Variants in DCC observed in about 807,000 individuals in gnomAD.
DCC encodes netrin receptor DCC.
A neutral mutation model predicts 172.5 loss-of-function variants in DCC; 58 were observed. That is an observed-to-expected ratio of 0.34 (90% CI 0.27 to 0.42). DCC has a LOEUF of 0.42. Among genes scored for constraint, DCC ranks in the 10% least tolerant of loss-of-function variants. DCC has a pLI of 1.00. For missense variants in DCC, 1,740 were observed against 1,791.0 expected, an observed-to-expected ratio of 0.97 and a Z score of 0.51; for synonymous variants, 709 against 644.5, an observed-to-expected ratio of 1.10 and a Z score of -1.52.
chr18:53,512,591 A>C (rs1350850618), intron 27 of DCC, among the ~76,000 whole-genome samples: 1 of 151,106 alleles, frequency 6.6e-6, no homozygotes, highest in East Asian at 2.0e-4. Context: ...TATAACTAGA[A>C]TAACCAATAC....
rs986416454 is a variant in DCC at position 53,394,908 on chromosome 18, G to A, written c.2689-2400G>A. ...TGTAATCCCAGCACTCTGGGAGGCC[G>A]AGGCGGGTGGATCGCCTGAGGTCAG... On this transcript the variant is annotated intron_variant, in intron 17 of 28. Transcript: ENST00000442544. Among the ~76,000 whole-genome samples, 33 of 151,916 alleles carry A rather than the reference G, an allele frequency of 2.2e-4. 1 individual carries two copies. The highest frequency in any genetic ancestry group is 2.0e-3 in the Admixed American group (31 of 15,242).
chr18:53,153,833 A>G (rs896806577), intron 7 of DCC, among the ~76,000 whole-genome samples: 1 of 152,120 alleles, frequency 6.6e-6, no homozygotes, highest in Non-Finnish European at 1.5e-5. Context: ...CAGCATGAGG[A>G]GAACATACTT....
intron 15 of DCC, among the ~76,000 whole-genome samples, chr18:53,361,217 G>A (rs372067942): frequency 3.9e-5 from 6 of 152,070 alleles, no homozygotes; most frequent in South Asian, 2.1e-4. Flanking sequence ...GGGACCGTGC[G>A]GCCCTGCTGA....
intron 1 of DCC, among the ~76,000 whole-genome samples, chr18:52,365,955 C>T (rs1431790): frequency 0.39 from 59,711 of 151,954 alleles, 13,501 homozygotes; most frequent in East Asian, 0.61. Context: ...CAGGCTCTTA[C>T]CGCTTGATCA....
intron 7 of DCC, among the ~76,000 whole-genome samples, chr18:53,107,181 G>T (rs972132971): frequency 6.6e-6 from 1 of 151,736 alleles, no homozygotes; most frequent in African/African-American, 2.4e-5. Context: ...AGTCACTCTG[G>T]CTCCAACGCC....
intron 1 of DCC, among the ~76,000 whole-genome samples, chr18:52,381,393 A>G (rs1035882743): frequency 6.6e-6 from 1 of 152,120 alleles, no homozygotes; most frequent in African/African-American, 2.4e-5. Context: ...ATAATACACT[A>G]TTTCTAAGAA....
chr18:53,318,517 G>A (rs1442187674), intron 13 of DCC, among the ~76,000 whole-genome samples: 1 of 152,124 alleles, frequency 6.6e-6, no homozygotes, highest in Non-Finnish European at 1.5e-5. Context: ...CCAGAGCCGA[G>A]TTCAAGTCCT....
At chr18:53,331,565 G>T (rs910552260) in intron 14 of DCC, among the ~76,000 whole-genome samples, 1 of 152,158 alleles carries the variant, frequency 6.6e-6, no homozygotes, top group East Asian at 1.9e-4. Flanking sequence ...AAGAGTATTT[G>T]CTCTAACAGT....
chr18:53,309,681 T>G (rs2057241227), intron 13 of DCC, among the ~76,000 whole-genome samples: 1 of 152,074 alleles, frequency 6.6e-6, no homozygotes, highest in African/African-American at 2.4e-5. Flanking sequence ...CCACTCTGGT[T>G]TATTATCATT....
chr18:52,456,611 T>C (rs1351182811), intron 1 of DCC, among the ~76,000 whole-genome samples: 1 of 152,218 alleles, frequency 6.6e-6, no homozygotes, highest in Non-Finnish European at 1.5e-5. Flanking sequence ...GTAGGCCCAA[T>C]GTATGACATG....
At chr18:52,511,328 A>G (rs988307140) in intron 1 of DCC, among the ~76,000 whole-genome samples, 33 of 151,740 alleles carry the variant, frequency 2.2e-4, no homozygotes, top group Non-Finnish European at 4.3e-4. Context: ...GAGACCTTAG[A>G]GCCTGGTTTG....
intron 8 of DCC, among the ~76,000 whole-genome samples, chr18:53,170,054 G>C (rs1337259338): frequency 6.6e-6 from 1 of 152,154 alleles, no homozygotes; most frequent in Admixed American, 6.6e-5. Context: ...AAAACTCGTG[G>C]GAATCCTTGG....
chr18:52,834,973 T>A (rs552386311), intron 2 of DCC, among the ~76,000 whole-genome samples: 1 of 152,346 alleles, frequency 6.6e-6, no homozygotes, highest in Admixed American at 6.5e-5. Flanking sequence ...CTGCTCGATA[T>A]TAAACTATTT....
chr18:53,285,808 G>A (rs149344389), intron 12 of DCC, among the ~76,000 whole-genome samples: 275 of 152,346 alleles, frequency 1.8e-3, no homozygotes, highest in African/African-American at 6.0e-3. Context: ...GGGTAGAGCT[G>A]CCAAATACCA....
intron 1 of DCC, among the ~76,000 whole-genome samples, chr18:52,707,802 A>T (rs1223889387): frequency 1.3e-5 from 2 of 152,224 alleles, no homozygotes; most frequent in Non-Finnish European, 2.9e-5. Flanking sequence ...TGTGGAATCA[A>T]AAAAGACAAA....
chr18:53,056,418 ATCT>A (rs2042405109), intron 5 of DCC, among the ~76,000 whole-genome samples: 1 of 152,170 alleles, frequency 6.6e-6, no homozygotes, highest in African/African-American at 2.4e-5. Context: ...CCAATATGTT[ATCT>A]CCAAACCTGC....
chr18:52,680,206 A>G (rs768002444), intron 1 of DCC, among the ~76,000 whole-genome samples: 6 of 152,102 alleles, frequency 3.9e-5, no homozygotes, highest in Non-Finnish European at 8.8e-5. Flanking sequence ...ATAAACAGAC[A>G]ATTACATTAT....
intron 15 of DCC, among the ~76,000 whole-genome samples, chr18:53,383,209 C>T (rs1382825191): frequency 6.6e-6 from 1 of 151,972 alleles, no homozygotes; most frequent in Non-Finnish European, 1.5e-5. Context: ...TTTATCTTAG[C>T]AATTATTAAT....
intron 1 of DCC, among the ~76,000 whole-genome samples, chr18:52,641,488 A>C (rs551456234): frequency 1.3e-5 from 2 of 152,212 alleles, no homozygotes; most frequent in Admixed American, 1.3e-4. Context: ...AACATCCAGA[A>C]TCTACAATGA....
Sources: gnomAD v4.1 joint callset for allele counts (sites outside exome capture counted in the v4.1 genomes callset) on GRCh38, gnomAD v4.1.1 for gene constraint, MANE v1.5 for transcripts, NCBI Gene and HGNC (gene_info 2026-07-23, HGNC 2026-07-21) for gene names.